PRKCA: variants seen among roughly 807,000 people sequenced by gnomAD.
PRKCA encodes protein kinase C alpha type.
Under a neutral mutation model 87.0 loss-of-function variants are expected in PRKCA, and 27 were observed. That is an observed-to-expected ratio of 0.31 (90% CI 0.23 to 0.43). The LOEUF is 0.43. Ranked by LOEUF, PRKCA falls within the 20% of genes least tolerant of loss-of-function variation. PRKCA has a pLI of 1.00. For missense variants in PRKCA, 518 were observed against 852.3 expected (o/e 0.61, Z 4.88); for synonymous variants, 329 against 311.1 (o/e 1.06, Z -0.61).
At chr17:66,450,101 CAT>C (rs1300570641) in intron 2 of PRKCA, among the ~76,000 whole-genome samples, 1 of 151,774 alleles carries the variant, frequency 6.6e-6, no homozygotes, top group African/African-American at 2.4e-5. Flanking sequence ...ATTTTTATCC[CAT>C]ACTAACTGGG....
intron 3 of PRKCA, among the ~76,000 whole-genome samples, chr17:66,573,379 T>C (rs1346108857): frequency 6.6e-6 from 1 of 152,198 alleles, no homozygotes; most frequent in Non-Finnish European, 1.5e-5. Context: ...TCTCCATGAC[T>C]GAATTATACC....
intron 8 of PRKCA, among the ~76,000 whole-genome samples, chr17:66,714,270 C>A (rs566692245): frequency 1.3e-5 from 2 of 151,916 alleles, no homozygotes; most frequent in South Asian, 4.2e-4. Context: ...TCCACGCCCC[C>A]CTCAAGCTGC....
intron 2 of PRKCA, among the ~76,000 whole-genome samples, chr17:66,343,848 G>A (rs934379005): frequency 6.6e-6 from 1 of 152,122 alleles, no homozygotes; most frequent in African/African-American, 2.4e-5. Flanking sequence ...TGAATCATCT[G>A]AATCATGAGG....
chr17:66,498,253 AC>A (rs1916571539), intron 3 of PRKCA, among the ~76,000 whole-genome samples: 1 of 152,072 alleles, frequency 6.6e-6, no homozygotes, highest in Admixed American at 6.5e-5. Flanking sequence ...TAAAGTACTA[AC>A]TTTTCCAAAA....
At chr17:66,494,783 C>T (rs1179338686) in intron 2 of PRKCA, among the ~76,000 whole-genome samples, 2 of 152,006 alleles carry the variant, frequency 1.3e-5, no homozygotes, top group African/African-American at 4.8e-5. Flanking sequence ...TTTTTTGCGT[C>T]CTCTATCTTA....
chr17:66,457,392 C>A (rs577917915), intron 2 of PRKCA, among the ~76,000 whole-genome samples: 2 of 152,062 alleles, frequency 1.3e-5, no homozygotes, highest in Non-Finnish European at 2.9e-5. Flanking sequence ...ATTTGTTGAG[C>A]CTTGGTGCAT....
At chr17:66,780,084 C>T (rs978443367) in intron 14 of PRKCA, among the ~76,000 whole-genome samples, 2 of 152,186 alleles carry the variant, frequency 1.3e-5, no homozygotes, top group Admixed American at 1.3e-4. Flanking sequence ...AGAGACTTAA[C>T]AAAGGCCGTA....
intron 3 of PRKCA, among the ~76,000 whole-genome samples, chr17:66,577,962 C>T (rs1169851489): frequency 6.6e-6 from 1 of 151,974 alleles, no homozygotes; most frequent in Non-Finnish European, 1.5e-5. Flanking sequence ...AGCTGCCGCA[C>T]ACCTGCTCTG....
At chr17:66,653,719 C>G (rs1971652047) in intron 5 of PRKCA, among the ~76,000 whole-genome samples, 2 of 151,332 alleles carry the variant, frequency 1.3e-5, no homozygotes, top group African/African-American at 4.9e-5. Flanking sequence ...TTGGATACCA[C>G]TCTCCTCGAT....
chr17:66,778,576 G>T (rs1038331832), intron 14 of PRKCA, among the ~76,000 whole-genome samples: 1 of 152,128 alleles, frequency 6.6e-6, no homozygotes, highest in Non-Finnish European at 1.5e-5. Context: ...CTTAGACCAG[G>T]TGCAGTGGCT....
At chr17:66,713,364 A>C (rs575107532) in intron 8 of PRKCA, among the ~76,000 whole-genome samples, 3 of 151,960 alleles carry the variant, frequency 2.0e-5, no homozygotes, top group Non-Finnish European at 1.5e-5. Flanking sequence ...TGTGCTTTCT[A>C]AACCACTCCC....
intron 3 of PRKCA, among the ~76,000 whole-genome samples, chr17:66,552,515 A>T (rs1198799650): frequency 1.3e-5 from 2 of 152,110 alleles, no homozygotes; most frequent in Non-Finnish European, 2.9e-5. Flanking sequence ...TGCTCATGTG[A>T]TGGCAGGATT....
intron 8 of PRKCA, among the ~76,000 whole-genome samples, chr17:66,691,085 G>A (rs1972773806): frequency 6.6e-6 from 1 of 151,874 alleles, no homozygotes; most frequent in African/African-American, 2.4e-5. Flanking sequence ...AGGTTACAGT[G>A]AGCCAAGATC....
Position 66,496,253 on chromosome 17 carries a change from T to A in PRKCA, c.258T>A (p.Cys86Ter), listed in dbSNP as rs1461673002. The change falls in exon 3 of 17, where the codon TGT becomes TGA. Residue 86 changes from cysteine (C) to a stop codon, truncating the protein, a stop_gained. Coordinates refer to ENST00000413366, the MANE Select transcript of PRKCA (RefSeq NM_002737.3). LOFTEE classifies it high-confidence loss of function. ...KRCHEFVTFS[C>*]PGADKGPDTD... ...GCCATGAATTTGTTACTTTTTCTTG[T>A]CCGGGTGCGGATAAGGGACCCGACA... 6.2e-7 allele frequency: 1 copy of A among 1,614,150 alleles called. No individual in the cohort carries two copies. Among genetic ancestry groups the A allele is most frequent in the Non-Finnish European group, 8.5e-7 (1 of 1,179,972 alleles).
chr17:66,574,080 C>T (rs2143411927), intron 3 of PRKCA, among the ~76,000 whole-genome samples: 1 of 152,206 alleles, frequency 6.6e-6, no homozygotes, highest in South Asian at 2.1e-4. Context: ...GACAAGGGAG[C>T]CAAAAATGGC....
intron 3 of PRKCA, among the ~76,000 whole-genome samples, chr17:66,576,873 CTTTTT>C (rs66875614): frequency 5.1e-4 from 70 of 138,318 alleles, no homozygotes; most frequent in Middle Eastern, 7.6e-3. Context: ...TGGTGATGTA[CTTTTT>C]TTTTTTTTTT....
Position 66,541,393 on chromosome 17 carries a change from G to C in PRKCA, c.288+45110G>C, listed in dbSNP as rs544068167. 5.3e-5 allele frequency among the ~76,000 whole-genome samples: 8 copies of C among 152,294 alleles called. No homozygotes were observed. The East Asian group carries it at 1.5e-3, about 29-fold the overall frequency. On this transcript the variant is annotated intron_variant, in intron 3 of 16. Coordinates refer to ENST00000413366, the MANE Select transcript of PRKCA (RefSeq NM_002737.3). ...AGCCAAGGGAAAATGCAAGATTTTG[G>C]AGGCTTAGCCCCTTTATTGTTTTTT...
intron 3 of PRKCA, among the ~76,000 whole-genome samples, chr17:66,518,778 G>A (rs889481026): frequency 6.6e-6 from 1 of 152,146 alleles, no homozygotes; most frequent in East Asian, 1.9e-4. Context: ...GTGCATTTTG[G>A]TAACAGTTTC....
chr17:66,438,595 G>A (rs957342134), intron 2 of PRKCA, among the ~76,000 whole-genome samples: 3 of 152,156 alleles, frequency 2.0e-5, no homozygotes, highest in Non-Finnish European at 2.9e-5. Context: ...GATTGTATTA[G>A]TCTGTTCTCA....
Sources: gnomAD v4.1 joint callset for allele counts (sites outside exome capture counted in the v4.1 genomes callset) on GRCh38, gnomAD v4.1.1 for gene constraint, MANE v1.5 for transcripts, NCBI Gene and HGNC (gene_info 2026-07-23, HGNC 2026-07-21) for gene names.